Variants in PDZD2 observed in about 807,000 individuals in gnomAD.
PDZD2 encodes PDZ domain-containing protein 2.
In PDZD2, 90 loss-of-function variants were observed where a neutral mutation model predicts 220.7. The observed-to-expected ratio is 0.41, with a 90% CI of 0.34 to 0.49. The LOEUF is 0.49. Among genes scored for constraint, PDZD2 ranks in the 20% least tolerant of loss-of-function variants. The pLI, the probability that PDZD2 is intolerant of heterozygous loss-of-function variation, is 0.28. For missense variants in PDZD2, 3,174 were observed against 3,608.5 expected (o/e 0.88, Z 3.08); for synonymous variants, 1,375 against 1,450.5 (o/e 0.95, Z 1.18).
At chr5:31,996,904 T>TA (rs1751683137) in intron 4 of PDZD2, among the ~76,000 whole-genome samples, 1 of 152,072 alleles carries the variant, frequency 6.6e-6, no homozygotes, top group South Asian at 2.1e-4. Flanking sequence ...AACAAAAACT[T>TA]ATTTTTTAAT....
chr5:31,645,950 AG>A (rs1236542784), intron 1 of PDZD2, among the ~76,000 whole-genome samples: 1 of 145,282 alleles, frequency 6.9e-6, no homozygotes, highest in Admixed American at 6.8e-5. Flanking sequence ...AGTAGGGGGA[AG>A]GGGGTGGGGA....
chr5:31,715,191 C>G (rs1748371092), intron 1 of PDZD2, among the ~76,000 whole-genome samples: 1 of 152,090 alleles, frequency 6.6e-6, no homozygotes, highest in African/African-American at 2.4e-5. Context: ...TGATTTCTGT[C>G]TGTTCCTCTC....
intron 19 of PDZD2, among the ~76,000 whole-genome samples, chr5:32,084,998 C>G (rs1742309993): frequency 1.4e-5 from 2 of 140,340 alleles, no homozygotes; most frequent in Non-Finnish European, 3.0e-5. Flanking sequence ...GCTCTGTTGC[C>G]CAGGCTTGAA....
intron 2 of PDZD2, among the ~76,000 whole-genome samples, chr5:31,858,609 A>G (rs1029676762): frequency 3.3e-5 from 5 of 152,190 alleles, no homozygotes; most frequent in African/African-American, 1.2e-4. Flanking sequence ...TAGCCATAAG[A>G]TTTGCAGCTT....
chr5:31,853,293 T>G (rs1758169048), intron 2 of PDZD2, among the ~76,000 whole-genome samples: 1 of 152,212 alleles, frequency 6.6e-6, no homozygotes, highest in Admixed American at 6.5e-5. Flanking sequence ...TCTACAAAGC[T>G]TGTTCTCACT....
intron 1 of PDZD2, among the ~76,000 whole-genome samples, chr5:31,663,859 G>A (rs1242667489): frequency 6.6e-6 from 1 of 151,872 alleles, no homozygotes; most frequent in Non-Finnish European, 1.5e-5. Flanking sequence ...TTTAGGGTGT[G>A]TGTGTGTGTG....
At chr5:31,728,434 G>C (rs767132899) in intron 1 of PDZD2, among the ~76,000 whole-genome samples, 1 of 152,168 alleles carries the variant, frequency 6.6e-6, no homozygotes, top group East Asian at 1.9e-4. Context: ...AAGGAGTGGC[G>C]TATTTTAAGC....
At chr5:31,711,525 A>C (rs1289513967) in intron 1 of PDZD2, among the ~76,000 whole-genome samples, 1 of 152,228 alleles carries the variant, frequency 6.6e-6, no homozygotes. Flanking sequence ...GTGCAAAAGA[A>C]GCATTTCCCT....
chr5:31,773,385 TC>T (rs1752448286), intron 1 of PDZD2, among the ~76,000 whole-genome samples: 1 of 151,088 alleles, frequency 6.6e-6, no homozygotes, highest in Admixed American at 6.6e-5. Context: ...ATGCCTGTAA[TC>T]CCAGCCCTTT....
At chr5:32,028,571 A>G (rs1754856882) in intron 6 of PDZD2, among the ~76,000 whole-genome samples, 1 of 151,864 alleles carries the variant, frequency 6.6e-6, no homozygotes, top group Non-Finnish European at 1.5e-5. Context: ...TAACATCTCA[A>G]CTTAAATTTC....
chr5:31,728,148 CT>C (rs1749292717), intron 1 of PDZD2, among the ~76,000 whole-genome samples: 1 of 151,890 alleles, frequency 6.6e-6, no homozygotes, highest in African/African-American at 2.4e-5. Context: ...TGGGGTGATT[CT>C]TTGTTTGGCT....
intron 2 of PDZD2, among the ~76,000 whole-genome samples, chr5:31,949,660 A>AT (rs1283392810): frequency 7.3e-6 from 1 of 137,324 alleles, no homozygotes; most frequent in Admixed American, 7.9e-5. Flanking sequence ...TAGCATTGCC[A>AT]TTTTTAGCTT....
At chr5:31,750,494 G>A (rs1444407486) in intron 1 of PDZD2, among the ~76,000 whole-genome samples, 1 of 152,214 alleles carries the variant, frequency 6.6e-6, no homozygotes, top group African/African-American at 2.4e-5. Context: ...TAGAGGAGAG[G>A]AGACAAAGCA....
chr5:32,061,266 A>C (rs79800121), intron 14 of PDZD2, 132 bp downstream of exon 14: 2 of 694,974 alleles, frequency 2.9e-6, no homozygotes, highest in East Asian at 5.4e-5. Context: ...GTGGGAAATG[A>C]ATCTCTAATC....
At chr5:31,781,750 G>A (rs1258999137) in intron 1 of PDZD2, among the ~76,000 whole-genome samples, 3 of 152,160 alleles carry the variant, frequency 2.0e-5, no homozygotes, top group African/African-American at 7.2e-5. Flanking sequence ...TTCTGTTCCT[G>A]ATCTTCTTTC....
chr5:31,889,898 T>C (rs1740853785), intron 2 of PDZD2, among the ~76,000 whole-genome samples: 1 of 151,988 alleles, frequency 6.6e-6, no homozygotes, highest in Non-Finnish European at 1.5e-5. Flanking sequence ...GTGCACACCT[T>C]GTAATCTCAG....
intron 21 of PDZD2, among the ~76,000 whole-genome samples, chr5:32,096,999 C>G (rs1743777841): frequency 6.6e-6 from 1 of 151,918 alleles, no homozygotes; most frequent in South Asian, 2.1e-4. Flanking sequence ...CCACACCTGG[C>G]TGATTTTTGT....
At chr5:31,864,582 C>G (rs1738019687) in intron 2 of PDZD2, among the ~76,000 whole-genome samples, 1 of 150,782 alleles carries the variant, frequency 6.6e-6, no homozygotes, top group African/African-American at 2.4e-5. Flanking sequence ...TGCAATGGCA[C>G]AATCTCAGCT....
chr5:31,964,754 C>A (rs1297960185), intron 2 of PDZD2, among the ~76,000 whole-genome samples: 2 of 152,142 alleles, frequency 1.3e-5, no homozygotes, highest in African/African-American at 4.8e-5. Context: ...CTCGCTCTGT[C>A]GCCCAGGCTG....
Sources: allele counts gnomAD v4.1 joint callset (sites outside exome capture counted in the v4.1 genomes callset), GRCh38; gene constraint gnomAD v4.1.1; transcripts MANE v1.5; gene names NCBI Gene and HGNC (gene_info 2026-07-23, HGNC 2026-07-21).